CRTC3: variants seen among roughly 807,000 people sequenced by gnomAD.
CRTC3 encodes CREB regulated transcription coactivator 3.
CRTC3 carries 26 observed loss-of-function variants against 74.5 expected under a neutral mutation model. The ratio of observed to expected loss-of-function variants is 0.35; its 90% CI spans 0.26 to 0.48. The LOEUF (loss-of-function observed/expected upper bound fraction) is 0.48. CRTC3 is among the 20% of genes least tolerant of loss of function. The pLI, the probability that CRTC3 is intolerant of heterozygous loss-of-function variation, is 0.99. For synonymous variants in CRTC3, 377 were observed against 325.8 expected, an observed-to-expected ratio of 1.16 and a Z score of -1.69; for missense variants, 760 against 787.3, an observed-to-expected ratio of 0.97 and a Z score of 0.41.
intron 2 of CRTC3, among the ~76,000 whole-genome samples, chr15:90,592,142 A>C (rs1273710426): frequency 3.9e-5 from 6 of 152,248 alleles, no homozygotes; most frequent in African/African-American, 1.4e-4. Context: ...AAGAAAAATT[A>C]GTTTTTAGCT....
At chr15:90,641,350 G>A (rs1260530546) in intron 14 of CRTC3, 151 bp downstream of exon 14, 2 of 620,582 alleles carry the variant, frequency 3.2e-6, no homozygotes, top group Non-Finnish European at 5.7e-6. Flanking sequence ...CAGGTGTCCA[G>A]CCTCAGAGAC....
rs1277853908 is a variant in CRTC3 at position 90,629,472 on chromosome 15, T to C, written c.1206T>C (p.His402=). 1 of 1,614,078 alleles carries C rather than the reference T, an allele frequency of 6.2e-7. No homozygotes were observed. The highest frequency in any genetic ancestry group is 1.3e-5 in the African/African-American group (1 of 75,004). ...CGCTTTCTCCTGGCCCTGAAGCACA[T>C]CAAGGTTTCAGCAGACAGCTGTCTT... ...PLTLSPGPEA[H]QGFSRQLSST... Residue 402 remains histidine (H), a synonymous_variant, in exon 11 of 15, where the codon CAT becomes CAC. Transcript: ENST00000268184.
chr15:90,554,206 CTT>C (rs796624134), intron 2 of CRTC3, among the ~76,000 whole-genome samples: 40 of 142,658 alleles, frequency 2.8e-4, no homozygotes, highest in South Asian at 4.5e-4. Flanking sequence ...GGTGTTTCCT[CTT>C]TTTTTTTTTT....
chr15:90,604,218 T>G (rs1204844768), intron 4 of CRTC3, 167 bp from the exon 5 acceptor site: 1 of 605,634 alleles, frequency 1.7e-6, no homozygotes, highest in Admixed American at 2.8e-5. Flanking sequence ...GAGTCTTACC[T>G]CATTTTAACA....
chr15:90,629,652 C>CTCAA (rs1968967562), intron 11 of CRTC3, 120 bp downstream of exon 11: 1 of 915,054 alleles, frequency 1.1e-6, no homozygotes, highest in Admixed American at 2.4e-5. Flanking sequence ...CCCATGAGGT[C>CTCAA]TCAAGTGCAG....
chr15:90,578,614 CAT>C (rs375017924), intron 2 of CRTC3, among the ~76,000 whole-genome samples: 125 of 152,046 alleles, frequency 8.2e-4, no homozygotes, highest in African/African-American at 2.9e-3. Flanking sequence ...ATATTATACA[CAT>C]ATGTTTAATA....
chr15:90,589,534 T>A (rs28761253), intron 2 of CRTC3, among the ~76,000 whole-genome samples: 1 of 152,110 alleles, frequency 6.6e-6, no homozygotes, highest in African/African-American at 2.4e-5. Context: ...TTAACAAAAA[T>A]TTTTGTAGAG....
intron 2 of CRTC3, among the ~76,000 whole-genome samples, chr15:90,571,395 C>G (rs1466827664): frequency 6.6e-6 from 1 of 152,100 alleles, no homozygotes; most frequent in Non-Finnish European, 1.5e-5. Context: ...GAGGAGTGTT[C>G]TAAGCAAAAG....
intron 2 of CRTC3, among the ~76,000 whole-genome samples, chr15:90,564,237 C>T (rs1458016635): frequency 1.3e-5 from 2 of 152,212 alleles, no homozygotes; most frequent in African/African-American, 4.8e-5. Flanking sequence ...TGTTGAATTA[C>T]TAAAACAGAA....
intron 2 of CRTC3, among the ~76,000 whole-genome samples, chr15:90,575,681 C>G (rs1967387658): frequency 6.6e-6 from 1 of 152,160 alleles, no homozygotes; most frequent in Non-Finnish European, 1.5e-5. Context: ...CGTGTCTATT[C>G]ATACACCAGA....
chr15:90,601,610 G>A (rs1008173774), intron 3 of CRTC3, among the ~76,000 whole-genome samples: 10 of 152,160 alleles, frequency 6.6e-5, no homozygotes, highest in Admixed American at 2.6e-4. Context: ...CCGAGATTGC[G>A]CCATTGCACT....
At chr15:90,636,535 A>C (rs1969244259) in intron 11 of CRTC3, among the ~76,000 whole-genome samples, 1 of 152,050 alleles carries the variant, frequency 6.6e-6, no homozygotes, top group Non-Finnish European at 1.5e-5. Flanking sequence ...AGCAATGGCA[A>C]CAAAAGCCAA....
chr15:90,555,604 G>A (rs1045669476), intron 2 of CRTC3, among the ~76,000 whole-genome samples: 20 of 152,028 alleles, frequency 1.3e-4, no homozygotes, highest in African/African-American at 4.8e-4. Flanking sequence ...CGCAACCTCT[G>A]CCTCCCAAGT....
intron 10 of CRTC3, among the ~76,000 whole-genome samples, chr15:90,628,889 T>C (rs1968933688): frequency 6.6e-6 from 1 of 152,114 alleles, no homozygotes. Flanking sequence ...CAGAATTTGT[T>C]GTACAGCCCT....
chr15:90,634,878 G>C (rs1969175863), intron 11 of CRTC3: 4 of 1,558,808 alleles, frequency 2.6e-6, no homozygotes, highest in Admixed American at 1.7e-5. Flanking sequence ...TGTTGGATCG[G>C]GTTCTAAAGG....
At chr15:90,619,038 T>C (rs1052492612) in intron 8 of CRTC3, among the ~76,000 whole-genome samples, 3 of 152,256 alleles carry the variant, frequency 2.0e-5, no homozygotes, top group Admixed American at 1.3e-4. Flanking sequence ...CCTGTCCGTC[T>C]GGAGCTTATA....
At chr15:90,608,356 C>G (rs528816000) in intron 6 of CRTC3, among the ~76,000 whole-genome samples, 1 of 152,284 alleles carries the variant, frequency 6.6e-6, no homozygotes, top group East Asian at 1.9e-4. Context: ...CTGTCTGCCT[C>G]TCTCCCTTTT....
intron 11 of CRTC3, among the ~76,000 whole-genome samples, chr15:90,631,084 G>C (rs2151093761): frequency 7.4e-6 from 1 of 135,306 alleles, no homozygotes; most frequent in Non-Finnish European, 1.6e-5. Context: ...GCCTATTACA[G>C]CATCATTAAC....
chr15:90,643,666 G>A lies in CRTC3; in HGVS notation c.*1526G>A, dbSNP rs902474518. On this transcript the variant is annotated 3_prime_UTR_variant, in exon 15 of 15. Transcript: ENST00000268184. ...ATAGATGGGCCAGATTTCCACCACC[G>A]CCTGCCTCCTCTAACTTGGGTGATG... 2.2e-5 allele frequency: 5 copies of A among 231,604 alleles called. No individual in the cohort carries two copies. Among genetic ancestry groups the A allele is most frequent in the African/African-American group, 6.6e-5 (3 of 45,184 alleles). 14.3% of individuals were successfully genotyped at this position (231,604 alleles called of 1,614,324 possible). A position where few individuals can be genotyped will look rare whatever the true frequency, so the allele number is the denominator to read the frequency against.
Sources: allele counts gnomAD v4.1 joint callset (sites outside exome capture counted in the v4.1 genomes callset), GRCh38; gene constraint gnomAD v4.1.1; transcripts MANE v1.5; gene names NCBI Gene and HGNC (gene_info 2026-07-23, HGNC 2026-07-21).